CUX1: variants seen among roughly 807,000 people sequenced by gnomAD.
The protein encoded by CUX1 is cut like homeobox 1.
A neutral mutation model predicts 158.8 loss-of-function variants in CUX1; 31 were observed. The ratio of observed to expected loss-of-function variants is 0.20; its 90% CI spans 0.15 to 0.26. The LOEUF is 0.26. CUX1 is among the 10% of genes least tolerant of loss of function. CUX1 has a pLI of 1.00. For synonymous variants in CUX1, 879 were observed against 862.1 expected (o/e 1.02, Z -0.34); for missense variants, 1,589 against 2,014.6 (o/e 0.79, Z 4.04).
At chr7:101,987,522 G>T (rs1378298722) in intron 2 of CUX1, among the ~76,000 whole-genome samples, 1 of 152,234 alleles carries the variant, frequency 6.6e-6, no homozygotes, top group Non-Finnish European at 1.5e-5. Flanking sequence ...GACATTTGAT[G>T]AGTTGACTAT....
At chr7:101,972,945 C>T (rs937751301) in intron 2 of CUX1, among the ~76,000 whole-genome samples, 2 of 152,144 alleles carry the variant, frequency 1.3e-5, no homozygotes, top group African/African-American at 2.4e-5. Flanking sequence ...GACCTTAAGG[C>T]GAAAAGCTCC....
chr7:101,887,625 A>G (rs1483615695), intron 1 of CUX1, among the ~76,000 whole-genome samples: 1 of 151,810 alleles, frequency 6.6e-6, no homozygotes, highest in African/African-American at 2.4e-5. Context: ...TCTTTTTCTG[A>G]TTCGGGAGGA....
chr7:102,106,477 A>G (rs1433550320), intron 6 of CUX1, among the ~76,000 whole-genome samples: 1 of 152,124 alleles, frequency 6.6e-6, no homozygotes, highest in Non-Finnish European at 1.5e-5. Context: ...AAGACTAGCT[A>G]AAACAGGGCC....
At chr7:102,060,911 CTTTTTTTTTTT>C (rs1039443388) in intron 3 of CUX1, among the ~76,000 whole-genome samples, 1 of 79,488 alleles carries the variant, frequency 1.3e-5, no homozygotes, top group African/African-American at 7.3e-5. Flanking sequence ...CGCGCCTGGC[CTTTTTTTTTTT>C]TTTTTTTTTT....
At chr7:102,082,626 A>G (rs1827552235) in intron 4 of CUX1, among the ~76,000 whole-genome samples, 1 of 147,458 alleles carries the variant, frequency 6.8e-6, no homozygotes, top group Admixed American at 6.8e-5. Context: ...CTATCACCTC[A>G]AAAGTTCCCT....
At chr7:102,060,186 G>A (rs1192050077) in intron 3 of CUX1, among the ~76,000 whole-genome samples, 1 of 152,020 alleles carries the variant, frequency 6.6e-6, no homozygotes, top group African/African-American at 2.4e-5. Context: ...GCTCAGGCGG[G>A]AGAATGGTGT....
intron 2 of CUX1, among the ~76,000 whole-genome samples, chr7:101,943,130 G>T: frequency 7.3e-6 from 1 of 136,590 alleles, no homozygotes; most frequent in African/African-American, 2.8e-5. Flanking sequence ...TTTTTGAGAT[G>T]GAGTCTCGCT....
intron 6 of CUX1, among the ~76,000 whole-genome samples, chr7:102,108,736 T>TTTTTTGTGTGTGTGTGTGTGTGTG: frequency 6.9e-6 from 1 of 145,062 alleles, no homozygotes; most frequent in African/African-American, 2.6e-5. Context: ...TTCATTCATT[T>TTTTTTGTGTGTGTGTGTGTGTGTG]TGTGTGTGTG....
intron 1 of CUX1, among the ~76,000 whole-genome samples, chr7:101,838,136 T>C (rs190913147): frequency 1.7e-3 from 265 of 151,952 alleles, no homozygotes; most frequent in Middle Eastern, 3.4e-3. Flanking sequence ...ACATTTTTTT[T>C]TTTTTTTAAA....
At chr7:101,875,137 C>T (rs913570600) in intron 1 of CUX1, among the ~76,000 whole-genome samples, 17 of 152,078 alleles carry the variant, frequency 1.1e-4, no homozygotes, top group African/African-American at 4.1e-4. Context: ...CCTCTCTTAC[C>T]GGGAGTAAAG....
chr7:102,075,463 T>C (rs1173116235), intron 4 of CUX1, among the ~76,000 whole-genome samples: 1 of 152,206 alleles, frequency 6.6e-6, no homozygotes, highest in Non-Finnish European at 1.5e-5. Flanking sequence ...CATAATTCCT[T>C]GGTAACTGTT....
At chr7:102,163,526 A>G (rs1449534266) in intron 9 of CUX1, among the ~76,000 whole-genome samples, 3 of 152,078 alleles carry the variant, frequency 2.0e-5, no homozygotes, top group African/African-American at 7.2e-5. Flanking sequence ...TCATCCTGGG[A>G]GCAGTGAAGA....
intron 8 of CUX1, among the ~76,000 whole-genome samples, chr7:102,117,254 T>G (rs1245518587): frequency 6.6e-6 from 1 of 151,742 alleles, no homozygotes; most frequent in African/African-American, 2.4e-5. Flanking sequence ...AAAAATCAGC[T>G]GGGCATGGTG....
chr7:102,265,933 G>A (rs1554544957), intron 14 of CUX1, among the ~76,000 whole-genome samples: 1 of 152,158 alleles, frequency 6.6e-6, no homozygotes, highest in Non-Finnish European at 1.5e-5. Flanking sequence ...GGCAGGGGCA[G>A]TGGCTCACGC....
intron 2 of CUX1, among the ~76,000 whole-genome samples, chr7:102,023,511 C>A (rs1819629541): frequency 6.6e-6 from 1 of 152,102 alleles, no homozygotes. Flanking sequence ...TCTCTGTTAC[C>A]CAGGCTGGAG....
chr7:101,992,903 GAC>G (rs1246672425), intron 2 of CUX1, among the ~76,000 whole-genome samples: 1 of 151,970 alleles, frequency 6.6e-6, no homozygotes. Flanking sequence ...ATACGTCTGT[GAC>G]ACAGTCTCCA....
At chr7:102,145,156 G>A (rs1244991945) in intron 8 of CUX1, among the ~76,000 whole-genome samples, 2 of 151,524 alleles carry the variant, frequency 1.3e-5, no homozygotes, top group Non-Finnish European at 2.9e-5. Flanking sequence ...GTTGGCTGGT[G>A]TATCTTTAAG....
At position 102,234,169 on chromosome 7, in the gene CUX1, G is replaced by A. The variant is rs1554531766; in HGVS notation, c.3551G>A (p.Arg1184Gln). ...CTGAAAGGACGAGAGCCCTTCGTCC[G>A]GATGCAGCTGTGGCTGAACGACCCC... ...LSLKGREPFV[R>Q]MQLWLNDPNN... Residue 1184 changes from arginine (R) to glutamine (Q), a missense_variant, in exon 22 of 24, where the codon CGG (arginine) becomes CAG (glutamine). Transcript: ENST00000292535. The A allele has an allele frequency of 1.3e-6, 2 of 1,599,774 alleles. No individual in the cohort carries two copies. Among genetic ancestry groups the A allele is most frequent in the South Asian group, 1.1e-5 (1 of 88,586 alleles).
intron 11 of CUX1, among the ~76,000 whole-genome samples, chr7:102,182,081 G>A (rs557456724): frequency 1.3e-5 from 2 of 152,242 alleles, no homozygotes; most frequent in South Asian, 4.2e-4. Context: ...GGGACCCTCG[G>A]ACACACGATG....
Sources: gnomAD v4.1 joint callset for allele counts (sites outside exome capture counted in the v4.1 genomes callset) on GRCh38, gnomAD v4.1.1 for gene constraint, MANE v1.5 for transcripts, NCBI Gene and HGNC (gene_info 2026-07-23, HGNC 2026-07-21) for gene names.